OR6C1: variants seen among roughly 807,000 people sequenced by gnomAD.
The protein encoded by OR6C1 is olfactory receptor family 6 subfamily C member 1, also known as olfactory receptor 6C1.
For synonymous variants in OR6C1, 157 were observed against 133.3 expected (o/e 1.18, Z -1.22); for missense variants, 386 against 366.1 (o/e 1.05, Z -0.44).
At chr12:55,319,003 C>CT (rs1868469552) in intron 1 of OR6C1, among the ~76,000 whole-genome samples, 1 of 152,024 alleles carries the variant, frequency 6.6e-6, no homozygotes. Context: ...TTGGAGAATA[C>CT]TTATCTATCA....
chr12:55,319,103 G>T (rs1200129538), intron 1 of OR6C1, among the ~76,000 whole-genome samples: 1 of 151,692 alleles, frequency 6.6e-6, no homozygotes, highest in Non-Finnish European at 1.5e-5. Context: ...GTTTCTACAG[G>T]AATAAAAGTT....
At chr12:55,319,375 T>C (rs529168891) in intron 1 of OR6C1, among the ~76,000 whole-genome samples, 6 of 152,070 alleles carry the variant, frequency 3.9e-5, no homozygotes, top group Non-Finnish European at 8.8e-5. Flanking sequence ...CAGAGACAAA[T>C]CTCTAAAATT....
rs1868569981 is a variant in OR6C1, at chr12:55,321,837, A to T, written c.*299A>T. 1 of 212,854 alleles carries T rather than the reference A, an allele frequency of 4.7e-6. No individual in the cohort carries two copies. The highest frequency in any genetic ancestry group is 1.2e-4 in the South Asian group (1 of 8,064). 13.2% of individuals were successfully genotyped at this position (212,854 alleles called of 1,614,324 possible). ...TAAAATTATACCTAGATACATTGGA[A>T]TGGCTTTATAAATATCAATATGATA... is the stretch of plus-strand genomic sequence containing the variant. On this transcript the variant is annotated 3_prime_UTR_variant, in exon 2 of 2. Transcript: ENST00000642104.
intron 1 of OR6C1, among the ~76,000 whole-genome samples, chr12:55,317,489 T>A (rs1332265012): frequency 4.6e-5 from 7 of 151,936 alleles, no homozygotes. Context: ...GTAAGACATG[T>A]AAGAAAATAC....
At chr12:55,317,111 T>A (rs984489684) in intron 1 of OR6C1, among the ~76,000 whole-genome samples, 1 of 151,932 alleles carries the variant, frequency 6.6e-6, no homozygotes, top group Admixed American at 6.6e-5. Flanking sequence ...TAATATAATA[T>A]ATATTTTTTA....
At chr12:55,314,665 G>C (rs903196730) in intron 1 of OR6C1, 66 bp downstream of exon 1, 1 of 151,506 alleles carries the variant, frequency 6.6e-6, no homozygotes, top group African/African-American at 2.4e-5. Context: ...TTACTTAACA[G>C]CTCAACTTTT....
At chr12:55,314,732 G>T (rs926565094) in intron 1 of OR6C1, 133 bp downstream of exon 1, 2 of 151,338 alleles carry the variant, frequency 1.3e-5, no homozygotes, top group South Asian at 4.1e-4. Flanking sequence ...TGTATAAAAA[G>T]GATTAGCATG....
At chr12:55,317,241 A>G (rs901735464) in intron 1 of OR6C1, among the ~76,000 whole-genome samples, 1 of 152,032 alleles carries the variant, frequency 6.6e-6, no homozygotes, top group Non-Finnish European at 1.5e-5. Flanking sequence ...TGAAAAGCTC[A>G]TGCTTTTAAT....
At chr12:55,318,022 CAT>C (rs1162325086) in intron 1 of OR6C1, among the ~76,000 whole-genome samples, 2 of 145,226 alleles carry the variant, frequency 1.4e-5, no homozygotes, top group African/African-American at 4.9e-5. Context: ...AATACACACA[CAT>C]ATATACACAC....
rs1453280942 is a variant in OR6C1, at chr12:55,321,500, A to G, written c.901A>G (p.Asn301Asp). ...TCAGCAAGTCAAGCAAGCTTTCATT[A>G]ACATGGCAAGGAAGACTGTATTTTT... ...RNQQVKQAFI[N>D]MARKTVFFTS... Residue 301 changes from asparagine to aspartate, a missense_variant, in exon 2 of 2, where the codon AAC (asparagine) becomes GAC (aspartate). Asn to Asp is a conservative substitution (Grantham distance 23). Coordinates refer to ENST00000642104, the MANE Select transcript of OR6C1 (RefSeq NM_001005182.2). The G allele has an allele frequency of 6.2e-7, 1 of 1,613,290 alleles. No individual in the cohort carries two copies. The highest frequency in any genetic ancestry group is 8.5e-7 in the Non-Finnish European group (1 of 1,179,700).
intron 1 of OR6C1, among the ~76,000 whole-genome samples, chr12:55,316,140 G>C (rs1052860908): frequency 2.0e-5 from 3 of 146,486 alleles, no homozygotes; most frequent in Non-Finnish European, 3.0e-5. Context: ...CCCCCCGAGA[G>C]AATAATAAAA....
intron 1 of OR6C1, among the ~76,000 whole-genome samples, chr12:55,317,453 C>A (rs1868428875): frequency 6.6e-6 from 1 of 151,842 alleles, no homozygotes; most frequent in Non-Finnish European, 1.5e-5. Flanking sequence ...TGAACTTGAT[C>A]CAAATATGTA....
In OR6C1 at chr12:55,321,414, T is replaced by C; in HGVS notation, c.815T>C (p.Val272Ala). Residue 272 changes from valine (V) to alanine (A), a missense_variant, in exon 2 of 2, where the codon GTG becomes GCG. By Grantham distance (64) the Val-to-Ala change is moderately conservative (BLOSUM62 0). Coordinates refer to ENST00000642104, the MANE Select transcript of OR6C1 (RefSeq NM_001005182.2). ...GATAGAGTGTCCTTGAGCAAGGGAG[T>C]GGCAATACTAAACACCTCAGTAGCC... ...AKDRVSLSKGVAILNTSVAPM... is the reference protein window; with the variant it reads ...AKDRVSLSKGAAILNTSVAPM... The C allele has an allele frequency of 6.2e-7, 1 of 1,613,702 alleles. No homozygotes were observed. The highest frequency in any genetic ancestry group is 8.5e-7 in the Non-Finnish European group (1 of 1,179,736).
At chr12:55,317,754 G>A (rs568461914) in intron 1 of OR6C1, among the ~76,000 whole-genome samples, 4 of 151,852 alleles carry the variant, frequency 2.6e-5, no homozygotes, top group African/African-American at 9.6e-5. Flanking sequence ...GTTAACAGGA[G>A]ATTTCAGCCT....
chr12:55,319,242 A>G (rs1592262276), intron 1 of OR6C1, among the ~76,000 whole-genome samples: 3 of 152,252 alleles, frequency 2.0e-5, no homozygotes, highest in Admixed American at 6.5e-5. Context: ...CTGTATTCCA[A>G]ACATCTGAAG....
chr12:55,317,020 G>A (rs1452383894), intron 1 of OR6C1, among the ~76,000 whole-genome samples: 1 of 151,910 alleles, frequency 6.6e-6, no homozygotes, highest in African/African-American at 2.4e-5. Flanking sequence ...GGGAATTTAA[G>A]AGGAAAACAG....
chr12:55,316,354 C>T (rs1258903171), intron 1 of OR6C1, among the ~76,000 whole-genome samples: 8 of 151,720 alleles, frequency 5.3e-5, no homozygotes, highest in African/African-American at 1.7e-4. Context: ...TCTGAAGATG[C>T]TTTGTAACCA....
intron 1 of OR6C1, among the ~76,000 whole-genome samples, chr12:55,319,711 C>A: frequency 6.6e-6 from 1 of 152,168 alleles, no homozygotes; most frequent in South Asian, 2.1e-4. Flanking sequence ...GAATTACATT[C>A]TTAGAGCAAT....
chr12:55,316,551 T>G (rs900387619), intron 1 of OR6C1, among the ~76,000 whole-genome samples: 16 of 151,844 alleles, frequency 1.1e-4, no homozygotes, highest in Non-Finnish European at 2.4e-4. Flanking sequence ...AAATCCAAGA[T>G]AACTAATTAA....
Sources: allele counts gnomAD v4.1 joint callset (sites outside exome capture counted in the v4.1 genomes callset), GRCh38; gene constraint gnomAD v4.1.1; transcripts MANE v1.5; gene names NCBI Gene and HGNC (gene_info 2026-07-23, HGNC 2026-07-21).